The following FRMPD1 variants were observed in gnomAD, a reference collection of about 807,000 sequenced individuals.
FRMPD1 encodes the protein FERM and PDZ domain containing 1, also known as FERM and PDZ domain-containing protein 1.
Under a neutral mutation model 117.8 loss-of-function variants are expected in FRMPD1, and 76 were observed. That is an observed-to-expected ratio of 0.65 (90% CI 0.54 to 0.78). The LOEUF (loss-of-function observed/expected upper bound fraction) is 0.78, where lower values mean the gene tolerates loss of function less well. Ranked by LOEUF, FRMPD1 falls within the 30% of genes least tolerant of loss-of-function variation. The pLI, the probability that FRMPD1 is intolerant of heterozygous loss-of-function variation, is 0.00. For synonymous variants in FRMPD1, 783 were observed against 770.4 expected, an observed-to-expected ratio of 1.02 and a Z score of -0.27; for missense variants, 1,786 against 1,964.5, an observed-to-expected ratio of 0.91 and a Z score of 1.72.
intron 1 of FRMPD1, among the ~76,000 whole-genome samples, chr9:37,680,647 C>T (rs1398911987): frequency 6.6e-6 from 1 of 152,124 alleles, no homozygotes; most frequent in Admixed American, 6.5e-5. Context: ...TCCTTTTCAT[C>T]TGGTGTGCAA....
chr9:37,676,852 C>A (rs1396059999), intron 1 of FRMPD1, among the ~76,000 whole-genome samples: 1 of 152,138 alleles, frequency 6.6e-6, no homozygotes, highest in Non-Finnish European at 1.5e-5. Flanking sequence ...TTCTTATGGG[C>A]CCCACTCTCT....
chr9:37,685,556 G>T (rs1821903598), intron 1 of FRMPD1, among the ~76,000 whole-genome samples: 3 of 152,216 alleles, frequency 2.0e-5, no homozygotes, highest in African/African-American at 7.2e-5. Flanking sequence ...GGAGGCTGAG[G>T]CAGGAGAATG....
chr9:37,639,921 T>G, the FRMPD1 span, among the ~76,000 whole-genome samples: 1 of 152,218 alleles, frequency 6.6e-6, no homozygotes, highest in East Asian at 1.9e-4. Context: ...TTTACTTGAA[T>G]GAGTGAACAG....
chr9:37,637,015 C>T, the FRMPD1 span: 5 of 1,562,300 alleles, frequency 3.2e-6, no homozygotes. Context: ...CATAGGATTC[C>T]TGGTCAGTGA....
At chr9:37,659,915 T>TAAAAA (rs36016239) in intron 1 of FRMPD1, among the ~76,000 whole-genome samples, 6 of 103,600 alleles carry the variant, frequency 5.8e-5, no homozygotes, top group Non-Finnish European at 7.9e-5. Context: ...TTTCAAGCAC[T>TAAAAA]AAAAAAAAAA....
At chr9:37,708,552 C>A (rs1358460229) in intron 4 of FRMPD1, 51 bp downstream of exon 4, 2 of 1,049,666 alleles carry the variant, frequency 1.9e-6, no homozygotes, top group Non-Finnish European at 1.5e-6. Flanking sequence ...TATCAAAGAA[C>A]AAAGATGGGC....
chr9:37,742,295 C>CG (rs569152534), intron 15 of FRMPD1, among the ~76,000 whole-genome samples: 1 of 152,196 alleles, frequency 6.6e-6, no homozygotes, highest in Non-Finnish European at 1.5e-5. Context: ...GCCATTGTGC[C>CG]GGGGGGCAGG....
chr9:37,739,117 T>C (rs1033433236), intron 14 of FRMPD1, among the ~76,000 whole-genome samples: 2 of 151,172 alleles, frequency 1.3e-5, no homozygotes, highest in Non-Finnish European at 3.0e-5. Context: ...GAAGGGGAGG[T>C]GTCAAGACCA....
intron 10 of FRMPD1, 73 bp downstream of exon 10, chr9:37,732,513 C>G: frequency 6.9e-7 from 1 of 1,440,556 alleles, no homozygotes; most frequent in East Asian, 2.3e-5. Flanking sequence ...CCAGATGCCA[C>G]AGAAAGCTGA....
chr9:37,717,726 T>C (rs1393169000), intron 5 of FRMPD1, among the ~76,000 whole-genome samples: 1 of 152,172 alleles, frequency 6.6e-6, no homozygotes, highest in Non-Finnish European at 1.5e-5. Flanking sequence ...TGTGTTTTCC[T>C]AAATCCTCCA....
chr9:37,617,781 G>A, the FRMPD1 span, among the ~76,000 whole-genome samples: 4 of 152,236 alleles, frequency 2.6e-5, no homozygotes, highest in East Asian at 3.9e-4. Flanking sequence ...CACTCTGGGC[G>A]GTCCCTACAG....
At position 37,705,993 on chromosome 9, in the gene FRMPD1, AAATAAAT is replaced by A. The variant is rs1327173299; in HGVS notation, c.102-1420_102-1414del. 6.4e-3 allele frequency among the ~76,000 whole-genome samples: 878 copies of A among 137,526 alleles called. 8 individuals carry two copies. The highest frequency in any genetic ancestry group is 0.022 in the African/African-American group (839 of 38,874). The allele number at this position is 137,526 out of a possible 152,430, so 90.2% of individuals were successfully genotyped here. A position where few individuals can be genotyped will look rare whatever the true frequency, so the allele number is the denominator to read the frequency against. Reference sequence around the variant, plus strand: ...TAAATAAATAAATAAATAAATAAATAAATAAATAAAAGATTGAAAAAAAATCAGGAAG... The same window carrying A: ...TAAATAAATAAATAAATAAATAAATAAAAAGATTGAAAAAAAATCAGGAAG... On this transcript the variant is annotated intron_variant, in intron 2 of 15. Transcript: ENST00000377765.
chr9:37,731,333 ATGATACATTTTCT>A (rs1823871272), intron 9 of FRMPD1, among the ~76,000 whole-genome samples: 1 of 152,182 alleles, frequency 6.6e-6, no homozygotes, highest in South Asian at 2.1e-4. Context: ...CTCAATGTAG[ATGATACATTTTCT>A]AATACCATTT....
intron 2 of FRMPD1, among the ~76,000 whole-genome samples, chr9:37,695,168 T>A (rs553139150): frequency 6.6e-6 from 1 of 152,326 alleles, no homozygotes; most frequent in East Asian, 1.9e-4. Flanking sequence ...CCTGAGTATA[T>A]ACTTAGGAGT....
chr9:37,688,181 A>T (rs1822012990), intron 1 of FRMPD1, among the ~76,000 whole-genome samples: 1 of 150,720 alleles, frequency 6.6e-6, no homozygotes. Flanking sequence ...TTTATATGGG[A>T]AACATATATA....
At chr9:37,603,357 G>A in the FRMPD1 span, among the ~76,000 whole-genome samples, 1 of 152,164 alleles carries the variant, frequency 6.6e-6, no homozygotes, top group Admixed American at 6.5e-5. Flanking sequence ...TGTGTTAGGA[G>A]CATACGGCAA....
At chr9:37,704,011 G>A (rs755389988) in intron 2 of FRMPD1, among the ~76,000 whole-genome samples, 2 of 152,034 alleles carry the variant, frequency 1.3e-5, no homozygotes, top group Non-Finnish European at 2.9e-5. Flanking sequence ...ATTTCTCTCC[G>A]GTACATACCC....
At chr9:37,661,135 T>C (rs1052140863) in intron 1 of FRMPD1, among the ~76,000 whole-genome samples, 1 of 152,196 alleles carries the variant, frequency 6.6e-6, no homozygotes, top group Non-Finnish European at 1.5e-5. Context: ...GTCCAGCCCC[T>C]GGAACTGCTG....
intron 5 of FRMPD1, among the ~76,000 whole-genome samples, chr9:37,717,686 T>G (rs778166098): frequency 2.0e-5 from 3 of 152,180 alleles, no homozygotes; most frequent in Non-Finnish European, 4.4e-5. Context: ...AGCCTGATTT[T>G]GCCAAGAATT....
Sources: gnomAD v4.1 joint callset for allele counts (sites outside exome capture counted in the v4.1 genomes callset) on GRCh38, gnomAD v4.1.1 for gene constraint, MANE v1.5 for transcripts, NCBI Gene and HGNC (gene_info 2026-07-23, HGNC 2026-07-21) for gene names.